CCDC178: variants seen among roughly 807,000 people sequenced by gnomAD.
The protein encoded by CCDC178 is coiled-coil domain containing 178.
CCDC178 carries 126 observed loss-of-function variants against 117.4 expected under a neutral mutation model. The observed-to-expected ratio is 1.07, with a 90% CI of 0.93 to 1.24. The LOEUF (loss-of-function observed/expected upper bound fraction) is 1.24. Among genes scored for constraint, CCDC178 ranks in the 50% most tolerant of loss-of-function variants. CCDC178 has a pLI of 0.00. For missense variants in CCDC178, 1,030 were observed against 986.9 expected (o/e 1.04, Z -0.59); for synonymous variants, 283 against 313.4 (o/e 0.90, Z 1.02).
intron 21 of CCDC178, among the ~76,000 whole-genome samples, chr18:33,084,430 A>T (rs2057345188): frequency 1.3e-5 from 2 of 152,096 alleles, no homozygotes; most frequent in African/African-American, 4.8e-5. Context: ...CATATTAGGT[A>T]TTTCTGGGAA....
At chr18:33,335,214 ATAAT>A (rs1599178379) in intron 9 of CCDC178, among the ~76,000 whole-genome samples, 1 of 151,876 alleles carries the variant, frequency 6.6e-6, no homozygotes, top group South Asian at 2.1e-4. Context: ...ATACACTTTG[ATAAT>A]TAATTAAGTC....
At chr18:33,386,748 A>C (rs2063497937) in intron 5 of CCDC178, among the ~76,000 whole-genome samples, 1 of 152,192 alleles carries the variant, frequency 6.6e-6, no homozygotes. Context: ...TCACAAACCC[A>C]CAGTCAATAT....
At chr18:33,223,352 C>A in intron 17 of CCDC178, 133 bp from the exon 18 acceptor site, 1 of 1,036,714 alleles carries the variant, frequency 9.6e-7, no homozygotes, top group Non-Finnish European at 1.3e-6. Flanking sequence ...AGAACCATCA[C>A]ACATAAATTA....
chr18:33,303,952 C>T (rs1018047910), intron 11 of CCDC178, among the ~76,000 whole-genome samples: 7 of 151,978 alleles, frequency 4.6e-5, no homozygotes, highest in African/African-American at 1.7e-4. Flanking sequence ...AAGAAGCCAC[C>T]GGGAATCCTC....
At chr18:33,217,319 A>T (rs1164486938) in intron 18 of CCDC178, among the ~76,000 whole-genome samples, 1 of 151,976 alleles carries the variant, frequency 6.6e-6, no homozygotes, top group Non-Finnish European at 1.5e-5. Context: ...ATGATCATTG[A>T]TCTATTCTTG....
intron 20 of CCDC178, among the ~76,000 whole-genome samples, chr18:33,106,201 G>T (rs1720204977): frequency 6.6e-6 from 1 of 151,496 alleles, no homozygotes; most frequent in Admixed American, 6.6e-5. Flanking sequence ...CTTTGTCCTA[G>T]GTCAGAACAA....
At chr18:33,439,331 G>A in intron 2 of CCDC178, among the ~76,000 whole-genome samples, 1 of 151,884 alleles carries the variant, frequency 6.6e-6, no homozygotes, top group East Asian at 1.9e-4. Flanking sequence ...TTGAATCTGA[G>A]GTGGGAGCAG....
chr18:33,039,679 C>T (rs2056510564), intron 21 of CCDC178, among the ~76,000 whole-genome samples: 1 of 151,874 alleles, frequency 6.6e-6, no homozygotes, highest in African/African-American at 2.4e-5. Context: ...TGAAAAGGCA[C>T]TATTTCAAAA....
chr18:33,165,048 T>C (rs1473997397), intron 20 of CCDC178, among the ~76,000 whole-genome samples: 2 of 152,242 alleles, frequency 1.3e-5, no homozygotes, highest in African/African-American at 4.8e-5. Flanking sequence ...CTTATCTTTT[T>C]AGAAAAGTCT....
chr18:33,171,480 G>A (rs1288107416), intron 20 of CCDC178, among the ~76,000 whole-genome samples: 1 of 152,164 alleles, frequency 6.6e-6, no homozygotes, highest in Admixed American at 6.5e-5. Flanking sequence ...GAGATAATAC[G>A]GGATCAGAAA....
At chr18:33,355,122 A>G (rs963850200) in intron 7 of CCDC178, among the ~76,000 whole-genome samples, 1 of 152,160 alleles carries the variant, frequency 6.6e-6, no homozygotes, top group East Asian at 1.9e-4. Context: ...TTTCACTGTG[A>G]ATGACCCAAG....
intron 21 of CCDC178, among the ~76,000 whole-genome samples, chr18:33,027,975 T>C (rs2056261220): frequency 6.6e-6 from 1 of 151,772 alleles, no homozygotes; most frequent in East Asian, 1.9e-4. Flanking sequence ...TAAATCTTAA[T>C]GAAGAATATT....
chr18:33,118,110 T>C lies in CCDC178; in HGVS notation c.2239-25200A>G, dbSNP rs779090552. Among the ~76,000 whole-genome samples the C allele has an allele frequency of 7.9e-5, 12 of 152,120 alleles. 1 individual carries two copies. Among genetic ancestry groups the C allele is most frequent in the South Asian group, 4.1e-4 (2 of 4,828 alleles). On this transcript the variant is annotated intron_variant, in intron 20 of 22. Transcript: ENST00000383096. ...TTCACTCCATAGTAAATGAAATGTA[T>C]TGATAGGCCAATGCTCATGGAAGTC...
chr18:32,981,350 G>T (rs2055150090), intron 21 of CCDC178, among the ~76,000 whole-genome samples: 1 of 151,938 alleles, frequency 6.6e-6, no homozygotes. Flanking sequence ...AGGAAGGAGG[G>T]GAATAATAAT....
chr18:33,246,553 A>G (rs767051911), intron 14 of CCDC178, among the ~76,000 whole-genome samples: 14 of 151,792 alleles, frequency 9.2e-5, no homozygotes, highest in Non-Finnish European at 2.1e-4. Flanking sequence ...TGATGTAGAA[A>G]TAAGAATAAA....
chr18:33,199,078 A>C (rs2058964623), intron 20 of CCDC178, among the ~76,000 whole-genome samples: 1 of 152,034 alleles, frequency 6.6e-6, no homozygotes, highest in South Asian at 2.1e-4. Context: ...CTCGGTAAAC[A>C]AGCTTAGCTA....
At chr18:33,227,869 T>A (rs2059326053) in intron 15 of CCDC178, among the ~76,000 whole-genome samples, 1 of 152,164 alleles carries the variant, frequency 6.6e-6, no homozygotes. Flanking sequence ...TATATCTACA[T>A]CTAAAATGAA....
chr18:33,325,817 T>G (rs1012928347), intron 10 of CCDC178, among the ~76,000 whole-genome samples: 19 of 152,170 alleles, frequency 1.2e-4, no homozygotes, highest in African/African-American at 3.9e-4. Flanking sequence ...CCTTCTAAAT[T>G]TTCTTAAGTT....
At position 33,111,619 on chromosome 18, in the gene CCDC178, G is replaced by A. The variant is rs557962115; in HGVS notation, c.2239-18709C>T. Among the ~76,000 whole-genome samples, 3 of 151,546 alleles carry A rather than the reference G, an allele frequency of 2.0e-5. No homozygotes were observed. In the East Asian group the frequency reaches 5.8e-4, roughly 29 times the overall value. Reference sequence around the variant, plus strand: ...CTTTTCACCTGCTATTTTTCTCCATGGATAACAGAAAAATAACCATTCATT... The same window carrying A: ...CTTTTCACCTGCTATTTTTCTCCATAGATAACAGAAAAATAACCATTCATT... On this transcript the variant is annotated intron_variant, in intron 20 of 22. Coordinates refer to ENST00000383096, the MANE Select transcript of CCDC178 (RefSeq NM_001105528.4).
Sources: gnomAD v4.1 joint callset for allele counts (sites outside exome capture counted in the v4.1 genomes callset) on GRCh38, gnomAD v4.1.1 for gene constraint, MANE v1.5 for transcripts, NCBI Gene and HGNC (gene_info 2026-07-23, HGNC 2026-07-21) for gene names.